The following OR2M4 variants were observed in gnomAD, a reference collection of about 807,000 sequenced individuals.
OR2M4 encodes the protein olfactory receptor family 2 subfamily M member 4, also known as olfactory receptor 2M4.
A neutral mutation model predicts 13.7 loss-of-function variants in OR2M4; 8 were observed. The ratio of observed to expected loss-of-function variants is 0.58; its 90% CI spans 0.34 to 1.05. The LOEUF (loss-of-function observed/expected upper bound fraction) is 1.05, where lower values mean the gene tolerates loss of function less well. OR2M4 is among the 50% of genes least tolerant of loss of function. The pLI is 0.02. For synonymous variants in OR2M4, 152 were observed against 141.3 expected (o/e 1.08, Z -0.53); for missense variants, 374 against 381.6 (o/e 0.98, Z 0.17).
At position 248,239,888 on chromosome 1, in the gene OR2M4, C is replaced by A; in HGVS notation, c.*24C>A. ...GACCTTATCAAAATCTTTTTGAGTG[C>A]CTACTGTGGTCAACACTCATTCAAA... On this transcript the variant is annotated 3_prime_UTR_variant, in exon 2 of 2. Transcript: ENST00000641868. 1 of 1,443,000 alleles carries A rather than the reference C, an allele frequency of 6.9e-7. No individual in the cohort carries two copies. The highest frequency in any genetic ancestry group is 9.4e-7 in the Non-Finnish European group (1 of 1,060,658). The allele number at this position is 1,443,000 out of a possible 1,614,324, so 89.4% of individuals were successfully genotyped here. A position where few individuals can be genotyped will look rare whatever the true frequency, so the allele number is the denominator to read the frequency against.
At position 248,239,481 on chromosome 1, in the gene OR2M4, T is replaced by A. The variant is rs1400757771; in HGVS notation, c.553T>A (p.Leu185Ile). The change falls in exon 2 of 2, where the codon TTA becomes ATA. Residue 185 changes from leucine to isoleucine, a missense_variant. Transcript: ENST00000641868. Reference sequence around the variant, plus strand: ...CTTTTTCTGTGATGTTGCTGCCCTTTTACCTCTATCCTGCACAGAAACATC... The same window carrying A: ...CTTTTTCTGTGATGTTGCTGCCCTTATACCTCTATCCTGCACAGAAACATC... ...HHFFCDVAAL[L>I]PLSCTETSAF... is the part of the protein sequence containing the mutation. The A allele has an allele frequency of 4.3e-6, 7 of 1,614,030 alleles. No homozygotes were observed. Among genetic ancestry groups the A allele is most frequent in the Non-Finnish European group, 5.9e-6 (7 of 1,180,020 alleles).
rs776804184 is a variant in OR2M4, at chr1:248,243,661, G to C, written c.*3797G>C. 2.0e-5 allele frequency: 3 copies of C among 152,110 alleles called. No homozygotes were observed. Among genetic ancestry groups the C allele is most frequent in the Non-Finnish European group, 4.4e-5 (3 of 68,028 alleles). The allele number at this position is 152,110 out of a possible 1,614,324, so 9.4% of individuals were successfully genotyped here. A position where few individuals can be genotyped will look rare whatever the true frequency, so the allele number is the denominator to read the frequency against. On this transcript the variant is annotated 3_prime_UTR_variant, in exon 2 of 2. Coordinates refer to ENST00000641868, the MANE Select transcript of OR2M4 (RefSeq NM_017504.2). ...TACCAGGCTTGGCAAATAATTTTTG[G>C]CTAATTTCCCAAAAACATTTGCAAC...
chr1:248,239,573 A>T lies in OR2M4; in HGVS notation c.645A>T (p.Ile215=). Residue 215 remains isoleucine (I), a synonymous_variant, in exon 2 of 2, where the codon ATA becomes ATT. Transcript: ENST00000641868. The part of the protein sequence containing the change: ...VMLIFPVSVI[I]LSYSHVLRAV... ...TAATCTTTCCAGTTTCAGTTATCAT[A>T]CTTTCCTATTCCCATGTCCTTCGAG... 1 of 1,614,032 alleles carries T rather than the reference A, an allele frequency of 6.2e-7. No individual in the cohort carries two copies. The highest frequency in any genetic ancestry group is 8.5e-7 in the Non-Finnish European group (1 of 1,179,982).
intron 1 of OR2M4, among the ~76,000 whole-genome samples, chr1:248,236,879 T>C (rs1666562292): frequency 6.6e-6 from 1 of 152,122 alleles, no homozygotes; most frequent in Non-Finnish European, 1.5e-5. Context: ...AATCGAATCC[T>C]TGAATAGATC....
At chr1:248,231,736 C>G (rs1029678900) in intron 1 of OR2M4, among the ~76,000 whole-genome samples, 156 bp downstream of exon 1, 4 of 152,060 alleles carry the variant, frequency 2.6e-5, no homozygotes, top group Admixed American at 2.6e-4. Context: ...CCTTCCTCAA[C>G]CTGATTATTA....
chr1:248,236,389 A>C (rs1039143878), intron 1 of OR2M4, among the ~76,000 whole-genome samples: 1 of 152,192 alleles, frequency 6.6e-6, no homozygotes, highest in Non-Finnish European at 1.5e-5. Context: ...ATGTATCAAA[A>C]TCTCTGGGAT....
At chr1:248,237,820 G>A (rs763212755) in intron 1 of OR2M4, among the ~76,000 whole-genome samples, 1 of 152,170 alleles carries the variant, frequency 6.6e-6, no homozygotes, top group African/African-American at 2.4e-5. Flanking sequence ...GATGAGCCAC[G>A]TTTCATACAG....
chr1:248,234,533 G>T (rs1405524959), intron 1 of OR2M4, among the ~76,000 whole-genome samples: 2 of 152,088 alleles, frequency 1.3e-5, no homozygotes, highest in Non-Finnish European at 2.9e-5. Flanking sequence ...TCCCACCTAT[G>T]AGTGAGAACA....
chr1:248,232,464 C>T (rs1313463400), intron 1 of OR2M4, among the ~76,000 whole-genome samples: 2 of 152,094 alleles, frequency 1.3e-5, no homozygotes, highest in East Asian at 3.9e-4. Context: ...TCACTTCAGG[C>T]CCTCTTAATA....
At chr1:248,235,863 G>A (rs188268788) in intron 1 of OR2M4, among the ~76,000 whole-genome samples, 4 of 152,172 alleles carry the variant, frequency 2.6e-5, no homozygotes, top group South Asian at 2.1e-4. Context: ...ATCCTGAGAC[G>A]TTGTTGAAGT....
intron 1 of OR2M4, 122 bp from the exon 2 acceptor site, chr1:248,238,788 G>A (rs559128855): frequency 1.6e-6 from 1 of 606,466 alleles, no homozygotes; most frequent in African/African-American, 1.8e-5. Flanking sequence ...ACTAAAGGAA[G>A]GTAACTGAAG....
intron 1 of OR2M4, among the ~76,000 whole-genome samples, chr1:248,234,460 C>T (rs963254928): frequency 1.4e-4 from 22 of 152,210 alleles, no homozygotes; most frequent in African/African-American, 5.3e-4. Context: ...CCTCAACCCC[C>T]TTAACAGGCC....
At chr1:248,236,221 A>T (rs569103165) in intron 1 of OR2M4, among the ~76,000 whole-genome samples, 1 of 152,194 alleles carries the variant, frequency 6.6e-6, no homozygotes, top group South Asian at 2.1e-4. Context: ...CTCTCAGACC[A>T]AAGCATAATC....
At position 248,239,400 on chromosome 1, in the gene OR2M4, A is replaced by G; in HGVS notation, c.472A>G (p.Ile158Val). The G allele has an allele frequency of 1.2e-6, 2 of 1,614,102 alleles. No individual in the cohort carries two copies. Among genetic ancestry groups the G allele is most frequent in the Non-Finnish European group, 1.7e-6 (2 of 1,180,010 alleles). ...GACCTTGGGGTCTCTTGATGGGATC[A>G]TAGTGCTTGCAGCTGTCCTGTCATT... is the stretch of plus-strand genomic sequence containing the variant. ...SWTLGSLDGI[I>V]VLAAVLSFSY... Residue 158 changes from isoleucine to valine, a missense_variant, in exon 2 of 2, where the codon ATA becomes GTA. Transcript: ENST00000641868.
Position 248,241,499 on chromosome 1 carries a change from T to A in OR2M4, c.*1635T>A, listed in dbSNP as rs1666618897. 1 of 152,216 alleles carries A rather than the reference T, an allele frequency of 6.6e-6. No individual in the cohort carries two copies. Among genetic ancestry groups the A allele is most frequent in the South Asian group, 2.1e-4 (1 of 4,838 alleles). The allele number at this position is 152,216 out of a possible 1,614,324, so 9.4% of individuals were successfully genotyped here. ...TTATTATTTAGATTGACATGCTTAT[T>A]TTTAAGTATAGTATAATCAAATGTT... is the stretch of plus-strand genomic sequence containing the variant. On this transcript the variant is annotated 3_prime_UTR_variant, in exon 2 of 2. Coordinates refer to ENST00000641868, the MANE Select transcript of OR2M4 (RefSeq NM_017504.2).
At position 248,241,724 on chromosome 1, in the gene OR2M4, A is replaced by C. The variant is rs952324434; in HGVS notation, c.*1860A>C. 12 of 152,144 alleles carry C rather than the reference A, an allele frequency of 7.9e-5. No homozygotes were observed. Among genetic ancestry groups the C allele is most frequent in the Non-Finnish European group, 1.2e-4 (8 of 67,990 alleles). The allele number at this position is 152,144 out of a possible 1,614,324, so 9.4% of individuals were successfully genotyped here. Reference sequence around the variant, plus strand: ...ACCAACATGGAGAAATTTCATCTCGACTAAAAAAATACAAAATCAGCCGGG... The same window carrying C: ...ACCAACATGGAGAAATTTCATCTCGCCTAAAAAAATACAAAATCAGCCGGG... On this transcript the variant is annotated 3_prime_UTR_variant, in exon 2 of 2. Coordinates refer to ENST00000641868, the MANE Select transcript of OR2M4 (RefSeq NM_017504.2).
chr1:248,235,039 T>C (rs549934944), intron 1 of OR2M4, among the ~76,000 whole-genome samples: 1 of 152,198 alleles, frequency 6.6e-6, no homozygotes, highest in East Asian at 1.9e-4. Flanking sequence ...TTAGCTCTTA[T>C]TGCAATTGCT....
intron 1 of OR2M4, among the ~76,000 whole-genome samples, chr1:248,232,154 A>G (rs1666511978): frequency 6.6e-6 from 1 of 152,196 alleles, no homozygotes; most frequent in South Asian, 2.1e-4. Flanking sequence ...TTTTCATGAA[A>G]TATACTAATT....
rs754562482 is a variant in OR2M4 at position 248,239,632 on chromosome 1, G to T, written c.704G>T (p.Arg235Leu). ...VIHMGSGESR[R>L]KAFTTCSSHL... ...CACATGGGCTCTGGGGAAAGTCGTCGCAAGGCCTTCACTACCTGCTCCTCC... is the reference window on the plus strand; with the variant it reads ...CACATGGGCTCTGGGGAAAGTCGTCTCAAGGCCTTCACTACCTGCTCCTCC... The change falls in exon 2 of 2, where the codon CGC becomes CTC. Residue 235 changes from arginine to leucine, a missense_variant. By Grantham distance (102) the Arg-to-Leu change is moderately radical (BLOSUM62 -2). Coordinates refer to ENST00000641868, the MANE Select transcript of OR2M4 (RefSeq NM_017504.2). 1.2e-5 allele frequency: 20 copies of T among 1,613,854 alleles called. No individual in the cohort carries two copies. In the Admixed American group the frequency reaches 2.0e-4, roughly 16 times the overall value.
Sources: allele counts gnomAD v4.1 joint callset (sites outside exome capture counted in the v4.1 genomes callset), GRCh38; gene constraint gnomAD v4.1.1; transcripts MANE v1.5; gene names NCBI Gene and HGNC (gene_info 2026-07-23, HGNC 2026-07-21).